The following OLR1 variants were observed in gnomAD, a reference collection of about 807,000 sequenced individuals.
OLR1 encodes the protein oxidized low density lipoprotein receptor 1, also known as oxidized low-density lipoprotein receptor 1.
OLR1 carries 23 observed loss-of-function variants against 31.7 expected under a neutral mutation model. The ratio of observed to expected loss-of-function variants is 0.72; its 90% CI spans 0.52 to 1.03. The LOEUF is 1.03. Ranked by LOEUF, OLR1 falls within the 50% of genes least tolerant of loss-of-function variation. OLR1 has a pLI of 0.00. For synonymous variants in OLR1, 117 were observed against 115.8 expected (o/e 1.01, Z -0.07); for missense variants, 286 against 315.7 (o/e 0.91, Z 0.71).
At position 10,159,946 on chromosome 12, in the gene OLR1, A is replaced by G. The variant is rs753886560; in HGVS notation, c.756T>C (p.Tyr252=). Residue 252 remains tyrosine (Y), a synonymous_variant, in exon 6 of 6, where the codon TAT becomes TAC. Coordinates refer to ENST00000309539, the MANE Select transcript of OLR1 (RefSeq NM_002543.4). The part of the protein sequence containing the change: ...TCAYIQRGAV[Y]AENCILAAFS... ...AGGCAGCTAAAATGCAGTTTTCCGC[A>G]TAAACAGCTCCTCGTTGTATATATG... 6.2e-7 allele frequency: 1 copy of G among 1,614,120 alleles called. No homozygotes were observed. The highest frequency in any genetic ancestry group is 8.5e-7 in the Non-Finnish European group (1 of 1,179,996).
Position 10,159,746 on chromosome 12 carries a change from C to T in OLR1, c.*134G>A. On this transcript the variant is annotated 3_prime_UTR_variant, in exon 6 of 6. Coordinates refer to ENST00000309539, the MANE Select transcript of OLR1 (RefSeq NM_002543.4). ...TGCCAGGCTCCTGGAACCCCAGTTT[C>T]TGCAAAGGAGTTCTGCAGCCAGCTA... 1.2e-6 allele frequency: 1 copy of T among 807,498 alleles called. No homozygotes were observed. Among genetic ancestry groups the T allele is most frequent in the Non-Finnish European group, 1.8e-6 (1 of 543,268 alleles). 50.0% of individuals were successfully genotyped at this position (807,498 alleles called of 1,614,324 possible). A position where few individuals can be genotyped will look rare whatever the true frequency, so the allele number is the denominator to read the frequency against.
chr12:10,160,662 C>G (rs41340047), intron 4 of OLR1, 124 bp downstream of exon 4: 20 of 1,279,210 alleles, frequency 1.6e-5, no homozygotes, highest in Non-Finnish European at 2.1e-5. Context: ...AATTGGTGAT[C>G]AGACTAAGCT....
At position 10,166,887 on chromosome 12, in the gene OLR1, T is replaced by C; in HGVS notation, c.249A>G (p.Gly83=). ...CTGCTTGTTGCCGGGCTGAGATCTG[T>C]CCCTCCAGTTTCTTTTTCTGGTGAG... The part of the protein sequence containing the change: ...NLTHQKKKLE[G]QISARQQAEE... Residue 83 remains glycine, a synonymous_variant, in exon 3 of 6, where the codon GGA becomes GGG. Transcript: ENST00000309539. 1 of 1,613,724 alleles carries C rather than the reference T, an allele frequency of 6.2e-7. No homozygotes were observed. Among genetic ancestry groups the C allele is most frequent in the Non-Finnish European group, 8.5e-7 (1 of 1,179,988 alleles).
intron 2 of OLR1, 53 bp downstream of exon 2, chr12:10,169,021 C>G: frequency 8.0e-7 from 1 of 1,256,536 alleles, no homozygotes; most frequent in Non-Finnish European, 1.1e-6. Context: ...TTATTAACCT[C>G]ATTTCCAACA....
At chr12:10,168,546 T>C (rs1203379739) in intron 2 of OLR1, among the ~76,000 whole-genome samples, 1 of 152,164 alleles carries the variant, frequency 6.6e-6, no homozygotes, top group Non-Finnish European at 1.5e-5. Context: ...CAGGCTGGAG[T>C]GCAATGGTGC....
Position 10,166,705 on chromosome 12 carries a change from C to T in OLR1, c.424+7G>A, listed in dbSNP as rs1948665322. 6.2e-7 allele frequency: 1 copy of T among 1,614,008 alleles called. No homozygotes were observed. The highest frequency in any genetic ancestry group is 1.1e-5 in the South Asian group (1 of 91,074). ...CTATGTCTCCTTACCCACCCTTCTC[C>T]CAATACCTGAACAATTTGCTACTCT... On this transcript the variant is annotated splice_region_variant and intron_variant, in intron 3 of 5. Coordinates refer to ENST00000309539, the MANE Select transcript of OLR1 (RefSeq NM_002543.4).
At chr12:10,171,182 A>G (rs1865814460) in intron 1 of OLR1, among the ~76,000 whole-genome samples, 1 of 152,206 alleles carries the variant, frequency 6.6e-6, no homozygotes, top group Non-Finnish European at 1.5e-5. Flanking sequence ...GCTCACACTT[A>G]TGTTCTCTAT....
At chr12:10,167,037 G>T in intron 2 of OLR1, 80 bp from the exon 3 acceptor site, 3 of 1,364,942 alleles carry the variant, frequency 2.2e-6, no homozygotes, top group Non-Finnish European at 1.0e-6. Flanking sequence ...AATCAAAACA[G>T]AATTAAATCT....
chr12:10,171,832 GTCA>G (rs1948721426), intron 1 of OLR1, among the ~76,000 whole-genome samples, 167 bp downstream of exon 1: 1 of 152,066 alleles, frequency 6.6e-6, no homozygotes, highest in South Asian at 2.1e-4. Context: ...TAAATAAGTT[GTCA>G]TCATCATCAT....
rs962752685 is a variant in OLR1, at chr12:10,159,640, G to A, written c.*240C>T. The A allele has an allele frequency of 5.6e-6, 2 of 355,774 alleles. No homozygotes were observed. The highest frequency in any genetic ancestry group is 4.0e-5 in the African/African-American group (2 of 49,568). The allele number at this position is 355,774 out of a possible 1,614,324, so 22.0% of individuals were successfully genotyped here. ...ATTTTAAAATAAAAAGGGGAAAATG[G>A]ACTTCAGGCTGGCAGGGAAGCTTGG... On this transcript the variant is annotated 3_prime_UTR_variant, in exon 6 of 6. Coordinates refer to ENST00000309539, the MANE Select transcript of OLR1 (RefSeq NM_002543.4).
upstream of OLR1, among the ~76,000 whole-genome samples, chr12:10,174,597 G>A (rs535697944): frequency 3.3e-5 from 5 of 152,244 alleles, no homozygotes; most frequent in Non-Finnish European, 7.4e-5. Context: ...CCACTCGCTG[G>A]CCGAGTCTGG....
upstream of OLR1, among the ~76,000 whole-genome samples, chr12:10,174,009 C>T (rs1948747205): frequency 6.6e-6 from 1 of 152,070 alleles, no homozygotes; most frequent in African/African-American, 2.4e-5. Flanking sequence ...AACTCTATAC[C>T]CACCAAGCAA....
rs190706669 is a variant in OLR1 at position 10,170,027 on chromosome 12, C to T, written c.77-852G>A. ...AGATAAACAAATAAGGTACTCCTAT[C>T]ATTATCCTCTGTATGCAAATAAGGA... On this transcript the variant is annotated intron_variant, in intron 1 of 5. Transcript: ENST00000309539. 3.1e-3 allele frequency among the ~76,000 whole-genome samples: 474 copies of T among 152,232 alleles called. 1 individual carries two copies. The highest frequency in any genetic ancestry group is 2.8e-3 in the Non-Finnish European group (188 of 68,032).
chr12:10,163,837 A>G (rs556273870), intron 3 of OLR1, among the ~76,000 whole-genome samples: 31 of 152,112 alleles, frequency 2.0e-4, no homozygotes, highest in Non-Finnish European at 3.7e-4. Context: ...AGGCTGAGGC[A>G]GGAGAATTGC....
upstream of OLR1, among the ~76,000 whole-genome samples, chr12:10,174,874 G>A (rs1314956020): frequency 1.3e-5 from 2 of 152,132 alleles, no homozygotes; most frequent in East Asian, 1.9e-4. Flanking sequence ...TTAGCATTAT[G>A]TCTTCAACAA....
chr12:10,167,070 T>C, intron 2 of OLR1, 113 bp from the exon 3 acceptor site: 2 of 1,033,132 alleles, frequency 1.9e-6, no homozygotes, highest in Middle Eastern at 3.1e-4. Flanking sequence ...GATAAGCTGC[T>C]GAAAAATGAC....
rs1261793011 is a variant in OLR1, at chr12:10,158,348, AAAAC to A, written c.*1528_*1531del. 4 of 152,222 alleles carry A rather than the reference AAAAC, an allele frequency of 2.6e-5. No homozygotes were observed. The highest frequency in any genetic ancestry group is 5.9e-5 in the Non-Finnish European group (4 of 68,038). 9.4% of individuals were successfully genotyped at this position (152,222 alleles called of 1,614,324 possible). A position where few individuals can be genotyped will look rare whatever the true frequency, so the allele number is the denominator to read the frequency against. ...GCTTTATTTGTAATATCCCAAAACT[AAAAC>A]AACCCAAATGTCATCAACAAGTAAA... On this transcript the variant is annotated 3_prime_UTR_variant, in exon 6 of 6. Coordinates refer to ENST00000309539, the MANE Select transcript of OLR1 (RefSeq NM_002543.4).
chr12:10,164,966 CT>C, intron 3 of OLR1, among the ~76,000 whole-genome samples: 1 of 152,220 alleles, frequency 6.6e-6, no homozygotes, highest in African/African-American at 2.4e-5. Flanking sequence ...TCCATTGGCT[CT>C]ATTTAAATTG....
At chr12:10,172,683 T>G (rs1948733425), upstream of OLR1, among the ~76,000 whole-genome samples, 1 of 152,206 alleles carries the variant, frequency 6.6e-6, no homozygotes, top group Non-Finnish European at 1.5e-5. Context: ...GCAGTGCCAG[T>G]GTAACGTAGC....
Sources: allele counts gnomAD v4.1 joint callset (sites outside exome capture counted in the v4.1 genomes callset), GRCh38; gene constraint gnomAD v4.1.1; transcripts MANE v1.5; gene names NCBI Gene and HGNC (gene_info 2026-07-23, HGNC 2026-07-21).